NXN: variants seen among roughly 807,000 people sequenced by gnomAD.
NXN encodes nucleoredoxin, also known as nucleoredoxin 1.
A neutral mutation model predicts 48.6 loss-of-function variants in NXN; 16 were observed. The ratio of observed to expected loss-of-function variants is 0.33; its 90% CI spans 0.22 to 0.50. The LOEUF is 0.50. Among genes scored for constraint, NXN ranks in the 20% least tolerant of loss-of-function variants. NXN has a pLI of 0.98. For missense variants in NXN, 492 were observed against 605.5 expected (o/e 0.81, Z 1.97); for synonymous variants, 281 against 269.6 (o/e 1.04, Z -0.41).
chr17:847,593 C>T (rs540544981), intron 1 of NXN, among the ~76,000 whole-genome samples: 20 of 152,164 alleles, frequency 1.3e-4, no homozygotes, highest in Non-Finnish European at 2.5e-4. Context: ...CAGCCACGTC[C>T]ACAGCAAAAG....
chr17:964,099 G>C (rs2150632086), intron 1 of NXN, among the ~76,000 whole-genome samples: 1 of 152,234 alleles, frequency 6.6e-6, no homozygotes, highest in African/African-American at 2.4e-5. Flanking sequence ...AAAAAATGCT[G>C]GCTCTCTCTT....
At chr17:944,983 T>A (rs2069025878) in intron 1 of NXN, among the ~76,000 whole-genome samples, 1 of 151,884 alleles carries the variant, frequency 6.6e-6, no homozygotes, top group Non-Finnish European at 1.5e-5. Flanking sequence ...GGGTAGGATT[T>A]TCTAAAAAGG....
Position 956,772 on chromosome 17 carries a change from C to T in NXN, c.360+22547G>A, listed in dbSNP as rs904285978. On this transcript the variant is annotated intron_variant, in intron 1 of 7. Transcript: ENST00000336868. The surrounding 1 kb of genome is among the most constrained non-coding windows in gnomAD (Gnocchi z 4.1). ...CTCCACCGCAACCTGACAAGGTGGA[C>T]GCTGCTATCGTTCCCACTTTACAGA... Among the ~76,000 whole-genome samples, 3 of 152,098 alleles carry T rather than the reference C, an allele frequency of 2.0e-5. No homozygotes were observed. Among genetic ancestry groups the T allele is most frequent in the Non-Finnish European group, 2.9e-5 (2 of 68,024 alleles).
intron 5 of NXN, among the ~76,000 whole-genome samples, chr17:818,147 G>A (rs1038645650): frequency 1.3e-5 from 2 of 152,028 alleles, no homozygotes; most frequent in Non-Finnish European, 2.9e-5. Flanking sequence ...TGTAGTCCCA[G>A]CTACTCGGGA....
chr17:945,879 CT>C (rs1284982768), intron 1 of NXN, among the ~76,000 whole-genome samples: 1 of 152,070 alleles, frequency 6.6e-6, no homozygotes, highest in African/African-American at 2.4e-5. Context: ...TCAGGTGTGC[CT>C]TTAGGGTTAG....
chr17:979,566 A>C lies in NXN; in HGVS notation c.113T>G (p.Phe38Cys), dbSNP rs750885560. The C allele has an allele frequency of 7.1e-7, 1 of 1,401,878 alleles. No individual in the cohort carries two copies. The highest frequency in any genetic ancestry group is 9.3e-7 in the Non-Finnish European group (1 of 1,073,854). 86.8% of individuals were successfully genotyped at this position (1,401,878 alleles called of 1,614,324 possible). A position where few individuals can be genotyped will look rare whatever the true frequency, so the allele number is the denominator to read the frequency against. The change falls in exon 1 of 8, where the codon TTC becomes TGC. Residue 38 changes from phenylalanine to cysteine, a missense_variant. Physicochemically the swap from Phe to Cys is radical, Grantham distance 205. Transcript: ENST00000336868. ...ARGISLLGLYFGCSLSAPCAQ... is the reference protein window; with the variant it reads ...ARGISLLGLYCGCSLSAPCAQ... ...GCAGGGGGCGCTGAGGCTGCAGCCG[A>C]AGTAGAGACCCAGCAGCGAGATGCC...
chr17:910,067 C>G (rs1000210829), intron 1 of NXN: 1 of 152,194 alleles, frequency 6.6e-6, no homozygotes, highest in African/African-American at 2.4e-5. Flanking sequence ...CCATCCAGTT[C>G]TAGGTTGAAG....
Position 821,748 on chromosome 17 carries a change from C to T in NXN, c.713+609G>A, listed in dbSNP as rs185142973. 2.8e-3 allele frequency among the ~76,000 whole-genome samples: 424 copies of T among 150,696 alleles called. 2 individuals are homozygous for T. The highest frequency in any genetic ancestry group is 9.8e-3 in the African/African-American group (402 of 40,868). On this transcript the variant is annotated intron_variant, in intron 4 of 7. Coordinates refer to ENST00000336868, the MANE Select transcript of NXN (RefSeq NM_022463.5). ...CCTGGGCGACAGAGCGAGACTCCGT[C>T]TCAAAAAAAACCCAAAAAACAAAAA...
chr17:864,421 C>T (rs887472203), intron 1 of NXN, among the ~76,000 whole-genome samples: 3 of 152,184 alleles, frequency 2.0e-5, no homozygotes, highest in Non-Finnish European at 2.9e-5. Context: ...TCCCATGGGA[C>T]AAGACACCAG....
At chr17:855,398 C>T (rs1219673291) in intron 1 of NXN, among the ~76,000 whole-genome samples, 2 of 152,172 alleles carry the variant, frequency 1.3e-5, no homozygotes, top group African/African-American at 4.8e-5. Context: ...GGGTTACAAG[C>T]AGAGGGAAGT....
chr17:909,179 ATCT>A (rs975013678), intron 1 of NXN, among the ~76,000 whole-genome samples: 20 of 152,080 alleles, frequency 1.3e-4, no homozygotes, highest in African/African-American at 4.6e-4. Flanking sequence ...ACATCTCAAA[ATCT>A]TCTTTTAAGT....
In NXN at chr17:932,243, C is replaced by A. The variant is rs1048315159; in HGVS notation, c.360+47076G>T. Among the ~76,000 whole-genome samples, 1 of 152,198 alleles carries A rather than the reference C, an allele frequency of 6.6e-6. No individual in the cohort carries two copies. Among genetic ancestry groups the A allele is most frequent in the Non-Finnish European group, 1.5e-5 (1 of 68,034 alleles). On this transcript the variant is annotated intron_variant, in intron 1 of 7. Transcript: ENST00000336868. This position sits in a 1 kb window ranked among gnomAD's most constrained non-coding sequence, Gnocchi z 4.1. ...CTGATCTGAAGAGTCTGTCTACCTG[C>A]CCAGCTACCAACCCAAACCGGCCTT...
intron 1 of NXN, among the ~76,000 whole-genome samples, chr17:905,551 T>C (rs2068574873): frequency 6.6e-6 from 1 of 152,186 alleles, no homozygotes; most frequent in African/African-American, 2.4e-5. Flanking sequence ...TAGTAAAATA[T>C]GAGACATGTT....
At chr17:863,233 C>G (rs539974228) in intron 1 of NXN, among the ~76,000 whole-genome samples, 1 of 152,126 alleles carries the variant, frequency 6.6e-6, no homozygotes, top group African/African-American at 2.4e-5. Context: ...TGCAGTGGCG[C>G]GATCTCAGCT....
chr17:924,604 T>TG (rs1346683593), intron 1 of NXN, among the ~76,000 whole-genome samples: 5 of 152,232 alleles, frequency 3.3e-5, no homozygotes, highest in Non-Finnish European at 7.3e-5. Flanking sequence ...TGTGTTCCGG[T>TG]GGACCGTCCT....
In NXN at chr17:956,083, T is replaced by C. The variant is rs2069166141; in HGVS notation, c.360+23236A>G. Among the ~76,000 whole-genome samples the C allele has an allele frequency of 6.6e-6, 1 of 152,134 alleles. No individual in the cohort carries two copies. The highest frequency in any genetic ancestry group is 2.4e-5 in the African/African-American group (1 of 41,438). ...CCAGGGTATCATTCAGTGACTGCAT[T>C]GTTCAATATTTTGAAATAAGGGCAT... On this transcript the variant is annotated intron_variant, in intron 1 of 7. Transcript: ENST00000336868. This position sits in a 1 kb window ranked among gnomAD's most constrained non-coding sequence, Gnocchi z 4.1.
rs867752749 is a variant in NXN at position 806,076 on chromosome 17, G to A, written c.821-829C>T. ...CGCCGGGGGGAACCTGAGGCTGGCC[G>A]CACCGGAGACTCGAAGAGGAGGACA... On this transcript the variant is annotated intron_variant, in intron 5 of 7. Coordinates refer to ENST00000336868, the MANE Select transcript of NXN (RefSeq NM_022463.5). Among the ~76,000 whole-genome samples, 44 of 151,668 alleles carry A rather than the reference G, an allele frequency of 2.9e-4. No homozygotes were observed. The South Asian group carries it at 9.2e-3, about 32-fold the overall frequency.
At chr17:817,061 G>A (rs1405302448) in intron 5 of NXN, among the ~76,000 whole-genome samples, 1 of 152,072 alleles carries the variant, frequency 6.6e-6, no homozygotes, top group Admixed American at 6.6e-5. Flanking sequence ...CATTTATGCT[G>A]TTAACAGGAG....
At chr17:973,865 G>C (rs945096009) in intron 1 of NXN, among the ~76,000 whole-genome samples, 1 of 151,440 alleles carries the variant, frequency 6.6e-6, no homozygotes, top group Non-Finnish European at 1.5e-5. Context: ...TTTTAGTAGA[G>C]ATGGGGTTTC....
Sources: gnomAD v4.1 joint callset for allele counts (sites outside exome capture counted in the v4.1 genomes callset) on GRCh38, gnomAD v4.1.1 for gene constraint, Gnocchi (gnomAD v3.1) non-coding constraint, MANE v1.5 for transcripts, NCBI Gene and HGNC (gene_info 2026-07-23, HGNC 2026-07-21) for gene names.